MPDZ: variants seen among roughly 807,000 people sequenced by gnomAD.
MPDZ encodes the protein multiple PDZ domain protein.
A neutral mutation model predicts 239.1 loss-of-function variants in MPDZ; 234 were observed. That is an observed-to-expected ratio of 0.98 (90% confidence interval 0.88 to 1.09). The LOEUF is 1.09. Ranked by LOEUF, MPDZ falls within the 50% of genes least tolerant of loss-of-function variation. The probability of loss-of-function intolerance (pLI) is 0.00; values close to 1 mark genes in which losing one functional copy is unlikely to be tolerated. For missense variants in MPDZ, 3,175 were observed against 2,510.0 expected (o/e 1.26, Z -5.66); for synonymous variants, 1,048 against 881.3 (o/e 1.19, Z -3.35).
rs1312668953 is a variant in MPDZ at position 13,168,478 on chromosome 9, T to A, written c.3142A>T (p.Ile1048Phe). Residue 1048 changes from isoleucine (I) to phenylalanine (F), a missense_variant, in exon 22 of 47, where the codon ATT (isoleucine) becomes TTT (phenylalanine). Coordinates refer to ENST00000319217, the MANE Select transcript of MPDZ (RefSeq NM_001378778.1). Reference sequence around the variant, plus strand: ...GACAAGATGCAGTCCCCAATGGCAATCCGGCCATCTCGACTAATGGCACCT... The same window carrying A: ...GACAAGATGCAGTCCCCAATGGCAAACCGGCCATCTCGACTAATGGCACCT... ...HGGAISRDGR[I>F]AIGDCILSIN... is the part of the protein sequence containing the mutation. 3 of 1,613,376 alleles carry A rather than the reference T, an allele frequency of 1.9e-6. No individual in the cohort carries two copies. The Admixed American group carries it at 5.0e-5, about 27-fold the overall frequency.
At chr9:13,187,709 C>T (rs1279071205) in intron 17 of MPDZ, among the ~76,000 whole-genome samples, 1 of 152,056 alleles carries the variant, frequency 6.6e-6, no homozygotes, top group Non-Finnish European at 1.5e-5. Flanking sequence ...CAAAAATCAA[C>T]AAACCCATAT....
chr9:13,188,795 T>G lies in MPDZ; in HGVS notation c.2353A>C (p.Lys785Gln). The change falls in exon 17 of 47, where the codon AAG becomes CAG. Residue 785 changes from lysine (K) to glutamine (Q), a missense_variant. Physicochemically the swap from Lys to Gln is moderately conservative, Grantham distance 53. Coordinates refer to ENST00000319217, the MANE Select transcript of MPDZ (RefSeq NM_001378778.1). ...PSGTVRIGVAKPLPLSPEEGY... is the reference protein window; with the variant it reads ...PSGTVRIGVAQPLPLSPEEGY... ...GTCTGAATTCTTACGGGTAAAGGCT[T>G]AGCAACTCCTATTCTCACAGTCCCT... 6.2e-7 allele frequency: 1 copy of G among 1,613,118 alleles called. No homozygotes were observed. The highest frequency in any genetic ancestry group is 8.5e-7 in the Non-Finnish European group (1 of 1,179,268).
chr9:13,268,538 G>GT (rs1394062961), intron 1 of MPDZ, among the ~76,000 whole-genome samples: 1 of 152,118 alleles, frequency 6.6e-6, no homozygotes. Context: ...GTGGAAAACG[G>GT]TAAGTAATTA....
intron 12 of MPDZ, among the ~76,000 whole-genome samples, chr9:13,198,731 C>CTGTGTGTGTGTGTGTGTG: frequency 2.3e-4 from 1 of 4,438 alleles, no homozygotes; most frequent in African/African-American, 5.8e-4. Flanking sequence ...TCTTTAATCT[C>CTGTGTGTGTGTGTGTGTG]TCTCTCTGTG....
chr9:13,116,570 GTTTC>G (rs904609162), intron 39 of MPDZ, among the ~76,000 whole-genome samples: 4 of 151,944 alleles, frequency 2.6e-5, no homozygotes, highest in African/African-American at 9.7e-5. Flanking sequence ...TTGGTTTGGG[GTTTC>G]TTACCAAACT....
chr9:13,126,176 T>C (rs962256889), intron 34 of MPDZ, among the ~76,000 whole-genome samples: 3 of 152,222 alleles, frequency 2.0e-5, no homozygotes, highest in East Asian at 1.9e-4. Flanking sequence ...TAAAGTAGTA[T>C]ACACAATGGA....
chr9:13,192,975 A>G (rs1955146082), intron 14 of MPDZ, among the ~76,000 whole-genome samples, 192 bp downstream of exon 14: 1 of 152,234 alleles, frequency 6.6e-6, no homozygotes, highest in African/African-American at 2.4e-5. Context: ...GCATGGAATT[A>G]GTTCTAAAGC....
At chr9:13,181,726 G>A (rs980747422) in intron 19 of MPDZ, among the ~76,000 whole-genome samples, 3 of 152,128 alleles carry the variant, frequency 2.0e-5, no homozygotes, top group African/African-American at 7.2e-5. Context: ...GCCAGCATTT[G>A]CCCTGTAAAA....
chr9:13,278,519 C>G (rs778228987), intron 1 of MPDZ, among the ~76,000 whole-genome samples: 8 of 152,156 alleles, frequency 5.3e-5, no homozygotes, highest in Non-Finnish European at 8.8e-5. Flanking sequence ...AGAACGCAAA[C>G]AAAAATGTAC....
At chr9:13,268,607 G>A (rs1268612655) in intron 1 of MPDZ, among the ~76,000 whole-genome samples, 1 of 152,148 alleles carries the variant, frequency 6.6e-6, no homozygotes, top group African/African-American at 2.4e-5. Flanking sequence ...GCCAACGTGA[G>A]TCAGAAAGAA....
intron 12 of MPDZ, 52 bp from the exon 13 acceptor site, chr9:13,196,282 T>A (rs1273677411): frequency 5.5e-6 from 7 of 1,267,660 alleles, no homozygotes; most frequent in Admixed American, 2.0e-5. Flanking sequence ...AATCTCCACA[T>A]CTTAACATCC....
chr9:13,108,770 T>C (rs949799362), intron 46 of MPDZ, among the ~76,000 whole-genome samples, 166 bp downstream of exon 46: 3 of 152,114 alleles, frequency 2.0e-5, no homozygotes, highest in African/African-American at 7.2e-5. Flanking sequence ...AAACCTCAAA[T>C]TGGACAAAAA....
chr9:13,172,276 G>T (rs954170890), intron 21 of MPDZ, among the ~76,000 whole-genome samples: 1 of 152,052 alleles, frequency 6.6e-6, no homozygotes, highest in African/African-American at 2.4e-5. Flanking sequence ...ATCAATAATG[G>T]AAATGAAGCA....
intron 14 of MPDZ, 148 bp from the exon 15 acceptor site, chr9:13,192,443 T>C (rs1248510054): frequency 4.6e-6 from 3 of 650,500 alleles, no homozygotes. Flanking sequence ...GTGGAAATAC[T>C]ATCTAAATTT....
intron 1 of MPDZ, among the ~76,000 whole-genome samples, chr9:13,274,928 T>TA (rs549321185): frequency 1.4e-4 from 21 of 149,968 alleles, no homozygotes; most frequent in Middle Eastern, 3.4e-3. Flanking sequence ...ATAAAACACT[T>TA]AAAAAAAAAA....
chr9:13,273,036 A>C (rs1367972107), intron 1 of MPDZ, among the ~76,000 whole-genome samples: 1 of 152,134 alleles, frequency 6.6e-6, no homozygotes, highest in Non-Finnish European at 1.5e-5. Flanking sequence ...GCCCTTATAA[A>C]ATAGGTACCA....
At chr9:13,122,034 C>A (rs1019417934) in intron 37 of MPDZ, 53 bp downstream of exon 37, 1 of 1,604,160 alleles carries the variant, frequency 6.2e-7, no homozygotes, top group African/African-American at 1.3e-5. Context: ...AAACACTCCC[C>A]CCAGGAGCCT....
intron 40 of MPDZ, 46 bp from the exon 41 acceptor site, chr9:13,114,067 A>G: frequency 2.2e-6 from 3 of 1,393,380 alleles, no homozygotes; most frequent in Non-Finnish European, 3.0e-6. Context: ...CAAGTAACAT[A>G]CTCCCTAAAT....
At chr9:13,175,978 T>C (rs1049293751) in intron 20 of MPDZ, 103 bp from the exon 21 acceptor site, 1 of 1,451,030 alleles carries the variant, frequency 6.9e-7, no homozygotes, top group African/African-American at 1.4e-5. Flanking sequence ...TGTGCTTTAT[T>C]TTGCAAGAAC....
Sources: allele counts gnomAD v4.1 joint callset (sites outside exome capture counted in the v4.1 genomes callset), GRCh38; gene constraint gnomAD v4.1.1; transcripts MANE v1.5; gene names NCBI Gene and HGNC (gene_info 2026-07-23, HGNC 2026-07-21).